MYO5A: variants seen among roughly 807,000 people sequenced by gnomAD.
MYO5A encodes unconventional myosin-Va.
A neutral mutation model predicts 249.7 loss-of-function variants in MYO5A; 98 were observed. The observed-to-expected ratio is 0.39, with a 90% confidence interval of 0.33 to 0.46. The LOEUF is 0.46. MYO5A is among the 20% of genes least tolerant of loss of function. The pLI, the probability that MYO5A is intolerant of heterozygous loss-of-function variation, is 0.98. For synonymous variants in MYO5A, 778 were observed against 810.6 expected, an observed-to-expected ratio of 0.96 and a Z score of 0.68; for missense variants, 1,696 against 2,308.8, an observed-to-expected ratio of 0.73 and a Z score of 5.44.
intron 1 of MYO5A, among the ~76,000 whole-genome samples, chr15:52,484,932 G>A (rs2076787132): frequency 1.3e-5 from 2 of 152,090 alleles, no homozygotes; most frequent in Admixed American, 6.6e-5. Context: ...ATGTTGGCCA[G>A]GCTGGTCTTG....
intron 18 of MYO5A, among the ~76,000 whole-genome samples, chr15:52,377,632 G>A (rs527602065): frequency 7.0e-6 from 1 of 142,466 alleles, no homozygotes; most frequent in Non-Finnish European, 1.5e-5. Context: ...GTACAGTGCT[G>A]TAATCTCGGC....
At chr15:52,401,830 C>T (rs561546244) in intron 9 of MYO5A, among the ~76,000 whole-genome samples, 7 of 152,318 alleles carry the variant, frequency 4.6e-5, no homozygotes, top group African/African-American at 1.7e-4. Flanking sequence ...CTCTTAACTA[C>T]TGTTTCAAGT....
intron 2 of MYO5A, among the ~76,000 whole-genome samples, chr15:52,431,563 A>T (rs993801603): frequency 2.6e-5 from 4 of 152,020 alleles, no homozygotes; most frequent in Admixed American, 1.3e-4. Flanking sequence ...CTCAATAGCA[A>T]TGAGCACACC....
intron 8 of MYO5A, among the ~76,000 whole-genome samples, chr15:52,405,903 T>C (rs1313214835): frequency 3.3e-5 from 5 of 152,238 alleles, no homozygotes; most frequent in African/African-American, 1.2e-4. Context: ...CTGTTACTTC[T>C]TAAGGCTGTT....
chr15:52,316,094 C>T (rs1364772264), intron 40 of MYO5A, among the ~76,000 whole-genome samples: 3 of 150,628 alleles, frequency 2.0e-5, no homozygotes, highest in African/African-American at 2.4e-5. Flanking sequence ...ATTAGCCAGG[C>T]GTGGTGGCAG....
intron 21 of MYO5A, among the ~76,000 whole-genome samples, chr15:52,371,878 G>GTAATAATAA (rs36207943): frequency 1.4e-4 from 20 of 143,110 alleles, no homozygotes; most frequent in South Asian, 2.2e-4. Flanking sequence ...TCAAATAATA[G>GTAATAATAA]TAATAATAAT....
At chr15:52,451,648 C>G (rs905880892) in intron 1 of MYO5A, among the ~76,000 whole-genome samples, 2 of 152,228 alleles carry the variant, frequency 1.3e-5, no homozygotes, top group Non-Finnish European at 2.9e-5. Flanking sequence ...ATCTGCACTA[C>G]CTGTCCTTTA....
Position 52,312,201 on chromosome 15 carries a change from T to C in MYO5A, c.*1495A>G. The C allele has an allele frequency of 6.6e-6, 1 of 152,254 alleles. No homozygotes were observed. Among genetic ancestry groups the C allele is most frequent in the Admixed American group, 6.5e-5 (1 of 15,284 alleles). The allele number at this position is 152,254 out of a possible 1,614,324, so 9.4% of individuals were successfully genotyped here. On this transcript the variant is annotated 3_prime_UTR_variant, in exon 42 of 42. Transcript: ENST00000399233. The stretch of plus-strand genomic sequence containing the variant: ...TCTTCTTAAAGTATTTCTAATATGA[T>C]GCTTTTAAAATTATCTAGTGGCATC...
At chr15:52,516,169 C>T (rs1161561186) in intron 1 of MYO5A, among the ~76,000 whole-genome samples, 2 of 152,100 alleles carry the variant, frequency 1.3e-5, no homozygotes, top group Admixed American at 1.3e-4. Context: ...GGATTCAAAC[C>T]AAGATCCAGT....
intron 1 of MYO5A, among the ~76,000 whole-genome samples, chr15:52,502,075 G>T (rs2077171093): frequency 6.6e-6 from 1 of 151,990 alleles, no homozygotes; most frequent in Admixed American, 6.6e-5. Context: ...ATCACCTGAG[G>T]TCAGGAGTTC....
At chr15:52,336,822 G>A (rs1464513664) in intron 33 of MYO5A, among the ~76,000 whole-genome samples, 1 of 152,192 alleles carries the variant, frequency 6.6e-6, no homozygotes, top group Admixed American at 6.5e-5. Context: ...GACTCCATGT[G>A]GGAAAATCAA....
intron 1 of MYO5A, among the ~76,000 whole-genome samples, chr15:52,477,227 T>C (rs560478817): frequency 1.3e-5 from 2 of 152,360 alleles, no homozygotes; most frequent in South Asian, 4.1e-4. Context: ...TCTTGTGCCA[T>C]GGTTTTCAGC....
chr15:52,454,437 G>A (rs546261580), intron 1 of MYO5A, among the ~76,000 whole-genome samples: 1 of 152,238 alleles, frequency 6.6e-6, no homozygotes, highest in South Asian at 2.1e-4. Flanking sequence ...ACACCTCACT[G>A]TCAGTAATGG....
chr15:52,464,618 A>G (rs1029181748), intron 1 of MYO5A, among the ~76,000 whole-genome samples: 1 of 152,238 alleles, frequency 6.6e-6, no homozygotes, highest in South Asian at 2.1e-4. Context: ...CAGGTACTCA[A>G]TAAATATGTG....
chr15:52,406,648 T>C (rs2043016329), intron 8 of MYO5A, among the ~76,000 whole-genome samples: 1 of 152,176 alleles, frequency 6.6e-6, no homozygotes, highest in African/African-American at 2.4e-5. Flanking sequence ...TGAGGTTTTT[T>C]TTTTCTTTAA....
chr15:52,521,898 C>T (rs894466147), intron 1 of MYO5A, among the ~76,000 whole-genome samples: 1 of 152,146 alleles, frequency 6.6e-6, no homozygotes, highest in African/African-American at 2.4e-5. Context: ...GCAAAATTAA[C>T]CAAAGGGCAT....
intron 3 of MYO5A, 121 bp from the exon 4 acceptor site, chr15:52,426,095 T>C: frequency 1.2e-6 from 1 of 868,468 alleles, no homozygotes; most frequent in Non-Finnish European, 1.8e-6. Flanking sequence ...TAGTTAATAT[T>C]AAACCAATAA....
At chr15:52,497,756 C>CAAAAAAA (rs35145185) in intron 1 of MYO5A, among the ~76,000 whole-genome samples, 2 of 62,660 alleles carry the variant, frequency 3.2e-5, no homozygotes, top group African/African-American at 6.1e-5. Context: ...GACTCTGTCT[C>CAAAAAAA]AAAAAAAAAA....
At chr15:52,392,763 G>A (rs138663846) in intron 11 of MYO5A, among the ~76,000 whole-genome samples, 31 of 152,358 alleles carry the variant, frequency 2.0e-4, no homozygotes, top group African/African-American at 7.0e-4. Flanking sequence ...GCCAGTCACT[G>A]CACATGGGCA....
Sources: allele counts gnomAD v4.1 joint callset (sites outside exome capture counted in the v4.1 genomes callset), GRCh38; gene constraint gnomAD v4.1.1; transcripts MANE v1.5; gene names NCBI Gene and HGNC (gene_info 2026-07-23, HGNC 2026-07-21).